GRM8: variants seen among roughly 807,000 people sequenced by gnomAD.
The protein encoded by GRM8 is metabotropic glutamate receptor 8.
Under a neutral mutation model 87.2 loss-of-function variants are expected in GRM8, and 47 were observed. The observed-to-expected ratio is 0.54, with a 90% CI of 0.43 to 0.69. The LOEUF (loss-of-function observed/expected upper bound fraction) is 0.69. Among genes scored for constraint, GRM8 ranks in the 30% least tolerant of loss-of-function variants. The pLI is 0.00. For synonymous variants in GRM8, 396 were observed against 404.5 expected (o/e 0.98, Z 0.25); for missense variants, 1,019 against 1,139.2 (o/e 0.89, Z 1.52).
At position 126,905,267 on chromosome 7, in the gene GRM8, C is replaced by T. The variant is rs144911285; in HGVS notation, c.728-584G>A. 9.2e-5 allele frequency among the ~76,000 whole-genome samples: 14 copies of T among 152,226 alleles called. No individual in the cohort carries two copies. The East Asian group carries it at 2.3e-3, about 25-fold the overall frequency. ...ATGCCAACTTTGGATTGACATACAT[C>T]GCCACTATGAAAATCGAAATGGCAG... On this transcript the variant is annotated intron_variant, in intron 3 of 10. Transcript: ENST00000339582.
chr7:126,508,247 A>G (rs1254369193), intron 9 of GRM8, among the ~76,000 whole-genome samples: 3 of 77,148 alleles, frequency 3.9e-5, no homozygotes, highest in Non-Finnish European at 8.0e-5. Context: ...ACACACACAC[A>G]CTGGCACACA....
chr7:126,611,375 G>A (rs901220163), intron 7 of GRM8, among the ~76,000 whole-genome samples: 8 of 152,188 alleles, frequency 5.3e-5, no homozygotes, highest in African/African-American at 1.9e-4. Flanking sequence ...CAAGTGCTTA[G>A]AACAGTGCAT....
At chr7:126,834,415 A>G (rs912021176) in intron 6 of GRM8, among the ~76,000 whole-genome samples, 3 of 152,224 alleles carry the variant, frequency 2.0e-5, no homozygotes, top group Middle Eastern at 3.2e-3. Context: ...AAGTCTTTTG[A>G]AATAAACAAT....
In GRM8 at chr7:126,532,987, G is replaced by T. The variant is rs1354932374; in HGVS notation, c.2395C>A (p.Pro799Thr). 1 of 1,612,602 alleles carries T rather than the reference G, an allele frequency of 6.2e-7. No homozygotes were observed. Residue 799 changes from proline to threonine, a missense_variant, in exon 9 of 11, where the codon CCC becomes ACC. By Grantham distance (38) the Pro-to-Thr change is conservative. Transcript: ENST00000339582. ...GACTGGGCTGTACCAAAAAAGATGG[G>T]GATGAAAGCTAACCAAATGATGCAG... ...TTCIIWLAFIPIFFGTAQSAE... is the reference protein window; with the variant it reads ...TTCIIWLAFITIFFGTAQSAE...
intron 7 of GRM8, among the ~76,000 whole-genome samples, chr7:126,657,526 C>T (rs933728361): frequency 2.0e-5 from 3 of 152,132 alleles, no homozygotes; most frequent in Non-Finnish European, 2.9e-5. Flanking sequence ...TTAGGGCAAT[C>T]AATGCTTTAG....
At chr7:127,244,320 C>T (rs754372172) in intron 1 of GRM8, among the ~76,000 whole-genome samples, 6 of 152,192 alleles carry the variant, frequency 3.9e-5, no homozygotes, top group Non-Finnish European at 7.3e-5. Flanking sequence ...AATTGAAGAG[C>T]TGCCTAATTT....
chr7:127,108,510 T>C (rs1826026318), intron 2 of GRM8, among the ~76,000 whole-genome samples: 1 of 152,110 alleles, frequency 6.6e-6, no homozygotes. Flanking sequence ...ACCATTTCTT[T>C]GTCCTATTTG....
At chr7:127,129,750 C>A (rs1827574687) in intron 2 of GRM8, among the ~76,000 whole-genome samples, 1 of 152,170 alleles carries the variant, frequency 6.6e-6, no homozygotes, top group South Asian at 2.1e-4. Flanking sequence ...AGATTCTTTA[C>A]TCTTTCTAGT....
chr7:126,707,441 T>C (rs528852886), intron 7 of GRM8, among the ~76,000 whole-genome samples: 4 of 152,262 alleles, frequency 2.6e-5, no homozygotes, highest in African/African-American at 9.6e-5. Context: ...CCTTAAGGTA[T>C]GTATGTGGGG....
intron 3 of GRM8, among the ~76,000 whole-genome samples, chr7:126,922,366 G>A (rs1804618395): frequency 6.6e-6 from 1 of 152,042 alleles, no homozygotes; most frequent in Non-Finnish European, 1.5e-5. Flanking sequence ...TGCAATGTGT[G>A]TACTGTGGGG....
At chr7:126,732,872 A>G (rs998219286) in intron 7 of GRM8, among the ~76,000 whole-genome samples, 6 of 152,180 alleles carry the variant, frequency 3.9e-5, no homozygotes, top group Non-Finnish European at 7.4e-5. Flanking sequence ...GGCATATTCA[A>G]GCTAAATCAG....
intron 7 of GRM8, among the ~76,000 whole-genome samples, chr7:126,638,331 T>C (rs1802056120): frequency 1.3e-5 from 2 of 151,424 alleles, no homozygotes; most frequent in Admixed American, 1.3e-4. Flanking sequence ...ACCTTCCTAC[T>C]GCTCTGGCAC....
At chr7:127,127,906 C>T (rs990257754) in intron 2 of GRM8, among the ~76,000 whole-genome samples, 1 of 152,036 alleles carries the variant, frequency 6.6e-6, no homozygotes, top group Non-Finnish European at 1.5e-5. Flanking sequence ...TTTCTTACTT[C>T]CATATCCTTC....
rs563072180 is a variant in GRM8 at position 126,997,320 on chromosome 7, C to T, written c.728-92637G>A. Reference sequence around the variant, plus strand: ...GCAGTACTAAGAGGAAAATATATAGCTTTAAGTGCCTATATCAAAAAAAGA... The same window carrying T: ...GCAGTACTAAGAGGAAAATATATAGTTTTAAGTGCCTATATCAAAAAAAGA... On this transcript the variant is annotated intron_variant, in intron 3 of 10. Coordinates refer to ENST00000339582, the MANE Select transcript of GRM8 (RefSeq NM_000845.3). 1.7e-3 allele frequency among the ~76,000 whole-genome samples: 251 copies of T among 151,638 alleles called. 1 individual carries two copies. The highest frequency in any genetic ancestry group is 5.6e-3 in the African/African-American group (234 of 41,450).
chr7:126,964,548 A>G (rs994959138), intron 3 of GRM8, among the ~76,000 whole-genome samples: 1 of 152,226 alleles, frequency 6.6e-6, no homozygotes, highest in Admixed American at 6.5e-5. Flanking sequence ...GCCAACAAAC[A>G]TATGAAAAAA....
At chr7:127,042,139 G>A (rs563946335) in intron 3 of GRM8, among the ~76,000 whole-genome samples, 105 of 152,276 alleles carry the variant, frequency 6.9e-4, no homozygotes, top group African/African-American at 2.4e-3. Flanking sequence ...GGACCACCTG[G>A]TTCTGTTTTA....
intron 2 of GRM8, among the ~76,000 whole-genome samples, chr7:127,230,342 G>A (rs1490669757): frequency 2.0e-5 from 3 of 152,104 alleles, no homozygotes; most frequent in African/African-American, 7.2e-5. Flanking sequence ...GAGAGATGCT[G>A]TGAGAGGGAA....
chr7:127,059,776 A>T (rs577917078), intron 3 of GRM8, among the ~76,000 whole-genome samples: 1 of 152,352 alleles, frequency 6.6e-6, no homozygotes, highest in Admixed American at 6.5e-5. Flanking sequence ...TTTTCCATCC[A>T]TGAGACCAAA....
chr7:127,177,752 A>C (rs890546594), intron 2 of GRM8, among the ~76,000 whole-genome samples: 1 of 152,126 alleles, frequency 6.6e-6, no homozygotes, highest in Non-Finnish European at 1.5e-5. Flanking sequence ...GAGAGACAAC[A>C]ATCACTGCAG....
Sources: allele counts gnomAD v4.1 joint callset (sites outside exome capture counted in the v4.1 genomes callset), GRCh38; gene constraint gnomAD v4.1.1; transcripts MANE v1.5; gene names NCBI Gene and HGNC (gene_info 2026-07-23, HGNC 2026-07-21).